CHN2: variants seen among roughly 807,000 people sequenced by gnomAD.
CHN2 encodes chimerin 2.
CHN2 carries 35 observed loss-of-function variants against 56.3 expected under a neutral mutation model. That is an observed-to-expected ratio of 0.62 (90% confidence interval 0.47 to 0.82). CHN2 has a LOEUF of 0.82. Ranked by LOEUF, CHN2 falls within the 40% of genes least tolerant of loss-of-function variation. The pLI, the probability that CHN2 is intolerant of heterozygous loss-of-function variation, is 0.00. For synonymous variants in CHN2, 210 were observed against 212.8 expected (o/e 0.99, Z 0.12); for missense variants, 491 against 580.5 (o/e 0.85, Z 1.58).
intron 6 of CHN2, among the ~76,000 whole-genome samples, chr7:29,452,459 G>C (rs1468879559): frequency 6.6e-6 from 1 of 152,170 alleles, no homozygotes; most frequent in African/African-American, 2.4e-5. Context: ...TCATCCTGTA[G>C]TACACCTGCA....
At chr7:29,455,601 A>T (rs1199291259) in intron 6 of CHN2, among the ~76,000 whole-genome samples, 1 of 152,194 alleles carries the variant, frequency 6.6e-6, no homozygotes, top group Non-Finnish European at 1.5e-5. Context: ...ATTTTCAGAT[A>T]TCCATCTTAC....
intron 2 of CHN2, among the ~76,000 whole-genome samples, chr7:29,354,883 T>C (rs1367554165): frequency 6.6e-6 from 1 of 152,094 alleles, no homozygotes; most frequent in African/African-American, 2.4e-5. Flanking sequence ...ATTTCAAAAA[T>C]GCTTAGAAAA....
chr7:29,447,525 A>G (rs866311911), intron 6 of CHN2, among the ~76,000 whole-genome samples: 12 of 152,180 alleles, frequency 7.9e-5, no homozygotes, highest in African/African-American at 2.9e-4. Flanking sequence ...AAAATATATG[A>G]AGAAATAATG....
chr7:29,168,940 A>C (rs1013029446), intron 2 of CHN2, among the ~76,000 whole-genome samples: 2 of 152,246 alleles, frequency 1.3e-5, no homozygotes, highest in Non-Finnish European at 2.9e-5. Flanking sequence ...AGTAATACCC[A>C]GCCCAATGTG....
intron 1 of CHN2, among the ~76,000 whole-genome samples, chr7:29,254,014 C>G (rs1382245321): frequency 1.3e-5 from 2 of 152,176 alleles, no homozygotes; most frequent in African/African-American, 4.8e-5. Flanking sequence ...AAGCGATTCT[C>G]CTGCCTCAGC....
Position 29,513,219 on chromosome 7 carries a change from T to C in CHN2, c.*484T>C, listed in dbSNP as rs982642841. ...AGCAAATAGAACTCAATGCAGTGCA[T>C]TGGTTATTACCCTGTGTACCTTGTC... On this transcript the variant is annotated 3_prime_UTR_variant, in exon 13 of 13. Transcript: ENST00000222792. 1.9e-5 allele frequency: 3 copies of C among 155,496 alleles called. No homozygotes were observed. The highest frequency in any genetic ancestry group is 7.2e-5 in the African/African-American group (3 of 41,470). The allele number at this position is 155,496 out of a possible 1,614,324, so 9.6% of individuals were successfully genotyped here. A position where few individuals can be genotyped will look rare whatever the true frequency, so the allele number is the denominator to read the frequency against.
At chr7:29,329,904 TCA>T (rs1408002559) in intron 1 of CHN2, among the ~76,000 whole-genome samples, 1 of 152,232 alleles carries the variant, frequency 6.6e-6, no homozygotes, top group Non-Finnish European at 1.5e-5. Flanking sequence ...CTGTGGTTTC[TCA>T]CTTTTCTGAA....
chr7:29,148,664 T>G (rs1470472100), intron 2 of CHN2: 1 of 152,248 alleles, frequency 6.6e-6, no homozygotes, highest in Non-Finnish European at 1.5e-5. Context: ...CTGACCTTTT[T>G]GGGGTACCCT....
chr7:29,195,381 A>G, intron 1 of CHN2: 2 of 220,120 alleles, frequency 9.1e-6, no homozygotes, highest in Non-Finnish European at 1.8e-5. Flanking sequence ...CGCGCCCGCT[A>G]CCCTGGACAC....
intron 3 of CHN2, among the ~76,000 whole-genome samples, chr7:29,369,874 A>G (rs2128043127): frequency 6.6e-6 from 1 of 152,288 alleles, no homozygotes; most frequent in African/African-American, 2.4e-5. Context: ...CTGTTAAACC[A>G]TGCTCTTCAC....
chr7:29,401,412 A>G (rs1802198858), intron 6 of CHN2: 1 of 152,526 alleles, frequency 6.6e-6, no homozygotes, highest in Admixed American at 6.5e-5. Flanking sequence ...GAAAGAAAAA[A>G]AAAACAAACC....
At chr7:29,506,286 A>G (rs10242268) in intron 10 of CHN2, among the ~76,000 whole-genome samples, 3,413 of 152,270 alleles carry the variant, frequency 0.022, 129 homozygotes, top group African/African-American at 0.079. Flanking sequence ...ATAATTCTGG[A>G]CCAACAATAA....
intron 6 of CHN2, among the ~76,000 whole-genome samples, chr7:29,430,789 CAAAAAA>C (rs72339566): frequency 8.8e-6 from 1 of 113,684 alleles, no homozygotes; most frequent in Admixed American, 9.0e-5. Flanking sequence ...AAGATGATAG[CAAAAAA>C]AAAAAAAAAA....
intron 6 of CHN2, among the ~76,000 whole-genome samples, chr7:29,457,726 G>T (rs957961128): frequency 2.0e-5 from 3 of 152,214 alleles, no homozygotes; most frequent in Non-Finnish European, 2.9e-5. Flanking sequence ...GAAACCGAGT[G>T]TTGAAAGGGG....
intron 1 of CHN2, among the ~76,000 whole-genome samples, chr7:29,326,486 C>G (rs1185571805): frequency 6.6e-6 from 1 of 152,178 alleles, no homozygotes; most frequent in Non-Finnish European, 1.5e-5. Flanking sequence ...AGCTGCATTC[C>G]ATGGAAGCCT....
intron 2 of CHN2, among the ~76,000 whole-genome samples, chr7:29,172,849 A>G (rs886517531): frequency 1.3e-5 from 2 of 152,118 alleles, no homozygotes; most frequent in African/African-American, 4.8e-5. Context: ...CCACTTAAAA[A>G]TGCTGGATAA....
chr7:29,216,601 C>T (rs914860089), intron 1 of CHN2, among the ~76,000 whole-genome samples: 1 of 152,192 alleles, frequency 6.6e-6, no homozygotes, highest in Admixed American at 6.5e-5. Context: ...CTTCTCTCTC[C>T]CCAGCCTCTC....
intron 2 of CHN2, among the ~76,000 whole-genome samples, chr7:29,366,977 A>G (rs958250506): frequency 1.3e-5 from 2 of 152,226 alleles, no homozygotes; most frequent in African/African-American, 2.4e-5. Flanking sequence ...TACATTTTCT[A>G]GAAAGACTTT....
At chr7:29,295,314 A>AACATACACAC (rs71555794) in intron 1 of CHN2, among the ~76,000 whole-genome samples, 1 of 144,962 alleles carries the variant, frequency 6.9e-6, no homozygotes, top group Non-Finnish European at 1.5e-5. Flanking sequence ...TTTAGCTGTG[A>AACATACACAC]ACACACACAC....
Sources: gnomAD v4.1 joint callset for allele counts (sites outside exome capture counted in the v4.1 genomes callset) on GRCh38, gnomAD v4.1.1 for gene constraint, MANE v1.5 for transcripts, NCBI Gene and HGNC (gene_info 2026-07-23, HGNC 2026-07-21) for gene names.